Variants in ZC3H18 observed in about 807,000 individuals in gnomAD.
ZC3H18 encodes zinc finger CCCH domain-containing protein 18.
ZC3H18 carries 8 observed loss-of-function variants against 106.1 expected under a neutral mutation model. That is an observed-to-expected ratio of 0.08 (90% confidence interval 0.04 to 0.14). The LOEUF is 0.14. ZC3H18 is among the 10% of genes least tolerant of loss of function. The pLI is 1.00. For synonymous variants in ZC3H18, 635 were observed against 522.1 expected, an observed-to-expected ratio of 1.22 and a Z score of -2.95; for missense variants, 1,318 against 1,278.4, an observed-to-expected ratio of 1.03 and a Z score of -0.47.
rs553557301 is a variant in ZC3H18 at position 88,611,336 on chromosome 16, A to C, written c.1275A>C (p.Arg425=). The C allele has an allele frequency of 1.3e-6, 1 of 767,550 alleles. No individual in the cohort carries two copies. Among genetic ancestry groups the C allele is most frequent in the African/African-American group, 1.8e-5 (1 of 56,960 alleles). The allele number at this position is 767,550 out of a possible 1,614,324, so 47.5% of individuals were successfully genotyped here. A position where few individuals can be genotyped will look rare whatever the true frequency, so the allele number is the denominator to read the frequency against. Residue 425 remains arginine, a synonymous_variant, in exon 8 of 18, where the codon CGA becomes CGC. Coordinates refer to ENST00000301011, the MANE Select transcript of ZC3H18 (RefSeq NM_144604.4). ...GCGAGCGGGAGCGGGAGCGGGACCGAGAGCGGGAGCGCCGGCAGAGGGAGC... is the reference window on the plus strand; with the variant it reads ...GCGAGCGGGAGCGGGAGCGGGACCGCGAGCGGGAGCGCCGGCAGAGGGAGC... ...RERERERERD[R]ERERRQRERE... is the part of the protein sequence containing the mutation.
Position 88,599,834 on chromosome 16 carries a change from T to G in ZC3H18, c.974T>G (p.Phe325Cys). The G allele has an allele frequency of 6.2e-7, 1 of 1,613,998 alleles. No individual in the cohort carries two copies. Among genetic ancestry groups the G allele is most frequent in the African/African-American group, 1.3e-5 (1 of 75,020 alleles). ...ATIRKEQEPD[F>C]EEKRFTVTIG... Reference sequence around the variant, plus strand: ...ATTCGAAAAGAACAGGAGCCTGATTTTGAAGAGAAAAGGTTTACGGTGACC... The same window carrying G: ...ATTCGAAAAGAACAGGAGCCTGATTGTGAAGAGAAAAGGTTTACGGTGACC... The change falls in exon 6 of 18, where the codon TTT becomes TGT. Residue 325 changes from phenylalanine to cysteine, a missense_variant. This residue lies in a region of ZC3H18 where 848 missense variants were observed against 821.7 expected (regional missense o/e 1.03). Transcript: ENST00000301011.
chr16:88,622,648 G>A (rs1398473403), intron 9 of ZC3H18: 1 of 478,010 alleles, frequency 2.1e-6, no homozygotes, highest in Non-Finnish European at 3.7e-6. Flanking sequence ...GGAGTCACAG[G>A]CCACACTGGA....
chr16:88,606,288 C>A (rs975437254), intron 6 of ZC3H18, among the ~76,000 whole-genome samples: 1 of 152,198 alleles, frequency 6.6e-6, no homozygotes, highest in Non-Finnish European at 1.5e-5. Context: ...CCGTTGTTGG[C>A]ATGGTTGCAG....
At chr16:88,598,790 C>A in intron 5 of ZC3H18, 78 bp downstream of exon 5, 1 of 1,382,018 alleles carries the variant, frequency 7.2e-7, no homozygotes. Context: ...GGGATTTCCT[C>A]GGTCCAGAGA....
chr16:88,630,343 C>CT, intron 16 of ZC3H18, 142 bp from the exon 17 acceptor site: 1 of 631,320 alleles, frequency 1.6e-6, no homozygotes, highest in Non-Finnish European at 2.7e-6. Context: ...TGGCTCTCCC[C>CT]TTTTTATTTC....
chr16:88,618,698 C>T (rs111577662), intron 8 of ZC3H18, among the ~76,000 whole-genome samples: 6 of 152,310 alleles, frequency 3.9e-5, no homozygotes, highest in African/African-American at 1.4e-4. Context: ...TCTCCTGTGG[C>T]CTTCAACGGG....
intron 9 of ZC3H18, 198 bp from the exon 10 acceptor site, chr16:88,623,021 G>A (rs1362062771): frequency 1.4e-5 from 10 of 709,022 alleles, no homozygotes; most frequent in Non-Finnish European, 2.0e-5. Context: ...CTGCACCAAG[G>A]AGGGATGGCA....
In ZC3H18 at chr16:88,598,283, C is replaced by T. The variant is rs1904554026; in HGVS notation, c.794C>T (p.Ala265Val). The T allele has an allele frequency of 3.1e-6, 5 of 1,610,604 alleles. No individual in the cohort carries two copies. Among genetic ancestry groups the T allele is most frequent in the South Asian group, 1.1e-5 (1 of 90,628 alleles). ...GCCGACCCCTTCCCGCCTAATGGTG[C>T]CCCGCCTCTCGGACCTCACCCGCTG... ...TKADPFPPNG[A>V]PPLGPHPLMP... Residue 265 changes from alanine (A) to valine (V), a missense_variant, in exon 4 of 18, where the codon GCC (alanine) becomes GTC (valine). This residue lies in a region of ZC3H18 where 78 missense variants were observed against 67.3 expected (regional missense o/e 1.16). Transcript: ENST00000301011.
chr16:88,611,495 G>T lies in ZC3H18; in HGVS notation c.1434G>T (p.Lys478Asn). ...GCGACCGGGAGAAGGAGCGGGAGAA[G>T]GAGAAGGGGAAGCCCAAGCCCCGCT... Reference protein sequence around the residue: ...RDRDREKEREKEKGKPKPRSP... With the variant: ...RDRDREKERENEKGKPKPRSP... The change falls in exon 8 of 18, where the codon AAG (lysine) becomes AAT (asparagine). Residue 478 changes from lysine to asparagine, a missense_variant. Transcript: ENST00000301011. 1 of 1,550,696 alleles carries T rather than the reference G, an allele frequency of 6.4e-7. No homozygotes were observed. Among genetic ancestry groups the T allele is most frequent in the Non-Finnish European group, 8.7e-7 (1 of 1,146,682 alleles).
intron 4 of ZC3H18, 34 bp from the exon 5 acceptor site, chr16:88,598,586 C>T (rs1420985832): frequency 1.3e-6 from 2 of 1,581,466 alleles, no homozygotes; most frequent in Non-Finnish European, 1.7e-6. Context: ...GAAAGTTTTA[C>T]TTTCTCACCT....
intron 8 of ZC3H18, among the ~76,000 whole-genome samples, chr16:88,613,001 T>C (rs1369636239): frequency 2.0e-5 from 3 of 152,150 alleles, no homozygotes; most frequent in Admixed American, 6.5e-5. Context: ...AGATTCTGTC[T>C]CAAAATAAAA....
chr16:88,623,500 C>T (rs1906100358), intron 10 of ZC3H18, 156 bp downstream of exon 10: 1 of 972,290 alleles, frequency 1.0e-6, no homozygotes, highest in South Asian at 1.7e-5. Context: ...GTCCTGTGTC[C>T]CCCACCAAAC....
At chr16:88,608,740 T>C in intron 6 of ZC3H18, 194 bp from the exon 7 acceptor site, 1 of 463,060 alleles carries the variant, frequency 2.2e-6, no homozygotes, top group Non-Finnish European at 4.0e-6. Flanking sequence ...CATCTGTGAA[T>C]AGAACCCTTT....
chr16:88,605,892 G>A lies in ZC3H18; in HGVS notation c.1089-3042G>A, dbSNP rs561377904. ...AATGGTTCCCCTTAGCCAGGACCTC[G>A]GGTTCTCCTCTCCAGCGAGGAGTAG... On this transcript the variant is annotated intron_variant, in intron 6 of 17. Transcript: ENST00000301011. 5.9e-5 allele frequency among the ~76,000 whole-genome samples: 9 copies of A among 152,328 alleles called. No homozygotes were observed. In the South Asian group the frequency reaches 1.2e-3, roughly 21 times the overall value.
intron 3 of ZC3H18, among the ~76,000 whole-genome samples, chr16:88,589,274 C>T (rs1414816648): frequency 1.3e-5 from 2 of 152,182 alleles, no homozygotes; most frequent in Non-Finnish European, 2.9e-5. Flanking sequence ...CAGAAGCTCC[C>T]GGGTACCCAC....
At chr16:88,590,917 G>C (rs1443599557) in intron 3 of ZC3H18, among the ~76,000 whole-genome samples, 1 of 150,998 alleles carries the variant, frequency 6.6e-6, no homozygotes, top group South Asian at 2.1e-4. Flanking sequence ...CCATTTTTTG[G>C]GTCTGATCTC....
At chr16:88,584,346 C>T (rs1038380354) in intron 2 of ZC3H18, among the ~76,000 whole-genome samples, 12 of 151,210 alleles carry the variant, frequency 7.9e-5, no homozygotes, top group Non-Finnish European at 2.9e-5. Context: ...TGCTTGAACC[C>T]GGGAGGCAGA....
At chr16:88,587,515 C>G (rs1400627290) in intron 3 of ZC3H18, 2 of 1,530,830 alleles carry the variant, frequency 1.3e-6, no homozygotes, top group Non-Finnish European at 1.8e-6. Context: ...CTAAAGCTCA[C>G]AAGAGCTTCC....
At chr16:88,619,322 T>G (rs908517682) in intron 8 of ZC3H18, among the ~76,000 whole-genome samples, 4 of 152,166 alleles carry the variant, frequency 2.6e-5, no homozygotes, top group African/African-American at 9.7e-5. Flanking sequence ...CTGGTTAAAA[T>G]CAGTACCACC....
Sources: allele counts gnomAD v4.1 joint callset (sites outside exome capture counted in the v4.1 genomes callset), GRCh38; gene constraint gnomAD v4.1.1; regional missense constraint gnomAD v4.1.1; transcripts MANE v1.5; gene names NCBI Gene and HGNC (gene_info 2026-07-23, HGNC 2026-07-21).